The following FMNL2 variants were observed in gnomAD, a reference collection of about 807,000 sequenced individuals.
FMNL2 encodes the protein formin like 2.
FMNL2 carries 51 observed loss-of-function variants against 130.2 expected under a neutral mutation model. The ratio of observed to expected loss-of-function variants is 0.39; its 90% confidence interval spans 0.31 to 0.49. FMNL2 has a LOEUF of 0.49. FMNL2 is among the 20% of genes least tolerant of loss of function. The probability of loss-of-function intolerance (pLI) is 0.85; values close to 1 mark genes in which losing one functional copy is unlikely to be tolerated. For missense variants in FMNL2, 977 were observed against 1,316.2 expected (o/e 0.74, Z 3.99); for synonymous variants, 465 against 467.1 (o/e 1.00, Z 0.06).
chr2:152,355,918 A>G (rs1682754247), intron 1 of FMNL2, among the ~76,000 whole-genome samples: 2 of 152,248 alleles, frequency 1.3e-5, no homozygotes, highest in Non-Finnish European at 2.9e-5. Flanking sequence ...TTACAGACAC[A>G]GTCCAAGCTC....
chr2:152,574,709 A>G (rs572752657), intron 6 of FMNL2, among the ~76,000 whole-genome samples: 8 of 152,324 alleles, frequency 5.3e-5, no homozygotes, highest in African/African-American at 1.9e-4. Context: ...AGCTATTGCT[A>G]TCAACTAAAA....
chr2:152,601,940 G>T (rs1434012665), intron 9 of FMNL2, among the ~76,000 whole-genome samples: 7 of 152,186 alleles, frequency 4.6e-5, no homozygotes, highest in Non-Finnish European at 8.8e-5. Flanking sequence ...AAAGTGCTGG[G>T]AGTACAGGTG....
rs1462006477 is a variant in FMNL2 at position 152,580,652 on chromosome 2, A to G, written c.783-304A>G. The stretch of plus-strand genomic sequence containing the variant: ...TTTAGCGTACCAGTAAACATTTTTC[A>G]TCTGTATTGTACTGAGTCACCTGAT... On this transcript the variant is annotated intron_variant, in intron 8 of 25. Transcript: ENST00000288670. Among the ~76,000 whole-genome samples the G allele has an allele frequency of 4.6e-5, 7 of 152,074 alleles. No homozygotes were observed. The South Asian group carries it at 6.2e-4, about 13-fold the overall frequency.
At chr2:152,642,097 C>G (rs536241357) in intron 25 of FMNL2, among the ~76,000 whole-genome samples, 2 of 152,046 alleles carry the variant, frequency 1.3e-5, no homozygotes, top group African/African-American at 4.8e-5. Flanking sequence ...CCCACCACCA[C>G]GCCTGGATAA....
intron 6 of FMNL2, among the ~76,000 whole-genome samples, chr2:152,563,900 T>A (rs1426404229): frequency 1.3e-5 from 2 of 152,158 alleles, no homozygotes; most frequent in African/African-American, 4.8e-5. Flanking sequence ...GTTTACATAC[T>A]GATGATGAGG....
chr2:152,642,102 G>A (rs912265606), intron 25 of FMNL2, among the ~76,000 whole-genome samples: 5 of 151,920 alleles, frequency 3.3e-5, no homozygotes, highest in African/African-American at 4.8e-5. Flanking sequence ...CACCACGCCT[G>A]GATAATTTTT....
chr2:152,496,961 T>A lies in FMNL2; in HGVS notation c.118-24982T>A, dbSNP rs145500437. Reference sequence around the variant, plus strand: ...GGAATCAGTCATTTTTCTAAGAAGCTCTAGTTCGCCTTATTAGAGAAAGGT... The same window carrying A: ...GGAATCAGTCATTTTTCTAAGAAGCACTAGTTCGCCTTATTAGAGAAAGGT... On this transcript the variant is annotated intron_variant, in intron 1 of 25. Coordinates refer to ENST00000288670, the MANE Select transcript of FMNL2 (RefSeq NM_052905.4). 9.9e-5 allele frequency among the ~76,000 whole-genome samples: 15 copies of A among 152,204 alleles called. No individual in the cohort carries two copies. The East Asian group carries it at 2.9e-3, about 29-fold the overall frequency.
At chr2:152,342,138 G>A (rs936967947) in intron 1 of FMNL2, among the ~76,000 whole-genome samples, 2 of 152,246 alleles carry the variant, frequency 1.3e-5, no homozygotes, top group Non-Finnish European at 1.5e-5. Context: ...TATAAGAACT[G>A]TTGCTTAAAG....
chr2:152,566,610 T>G (rs998587829), intron 6 of FMNL2, among the ~76,000 whole-genome samples: 1 of 152,200 alleles, frequency 6.6e-6, no homozygotes, highest in Admixed American at 6.5e-5. Flanking sequence ...GGACTTAGTT[T>G]GTAAAGGGTG....
chr2:152,434,992 T>C (rs1331642666), intron 1 of FMNL2, among the ~76,000 whole-genome samples: 1 of 152,020 alleles, frequency 6.6e-6, no homozygotes, highest in Non-Finnish European at 1.5e-5. Context: ...AACATCTAGA[T>C]GGCATGGTTT....
At chr2:152,361,140 A>G (rs1683143354) in intron 1 of FMNL2, among the ~76,000 whole-genome samples, 1 of 152,198 alleles carries the variant, frequency 6.6e-6, no homozygotes, top group African/African-American at 2.4e-5. Flanking sequence ...AAAAGCATTT[A>G]TATGGAAAGT....
intron 1 of FMNL2, among the ~76,000 whole-genome samples, chr2:152,473,038 G>C (rs1296003248): frequency 6.6e-6 from 1 of 152,186 alleles, no homozygotes; most frequent in Non-Finnish European, 1.5e-5. Flanking sequence ...ACAGTAAAGT[G>C]TTGTTTTCAA....
intron 25 of FMNL2, among the ~76,000 whole-genome samples, chr2:152,643,180 G>A (rs895518789): frequency 1.3e-5 from 2 of 152,122 alleles, no homozygotes; most frequent in African/African-American, 4.8e-5. Context: ...TGTTTATAGG[G>A]CAGTTTTTAT....
intron 9 of FMNL2, among the ~76,000 whole-genome samples, chr2:152,592,060 G>A (rs578113687): frequency 7.1e-4 from 107 of 151,412 alleles, no homozygotes; most frequent in Non-Finnish European, 1.3e-3. Context: ...CCTAGATCGC[G>A]CCACTGCACT....
At chr2:152,558,664 CTT>C in intron 4 of FMNL2, 74 bp from the exon 5 acceptor site, 1 of 1,377,742 alleles carries the variant, frequency 7.3e-7, no homozygotes, top group Non-Finnish European at 1.0e-6. Flanking sequence ...AAAAACAAAA[CTT>C]TGCATTGTGT....
At chr2:152,642,250 C>T (rs1683158235) in intron 25 of FMNL2, among the ~76,000 whole-genome samples, 2 of 152,116 alleles carry the variant, frequency 1.3e-5, no homozygotes, top group Non-Finnish European at 2.9e-5. Flanking sequence ...TGTCTCATTT[C>T]TTGTTATAGC....
intron 3 of FMNL2, among the ~76,000 whole-genome samples, chr2:152,546,748 G>C (rs1277144684): frequency 6.6e-6 from 1 of 152,106 alleles, no homozygotes; most frequent in Non-Finnish European, 1.5e-5. Context: ...AGCATATCTG[G>C]AAATGGTTGC....
At chr2:152,398,160 T>C (rs1388829056) in intron 1 of FMNL2, among the ~76,000 whole-genome samples, 1 of 152,188 alleles carries the variant, frequency 6.6e-6, no homozygotes, top group African/African-American at 2.4e-5. Flanking sequence ...CTCAGCATGT[T>C]GTCCTCTGGC....
At chr2:152,372,914 G>C (rs57155791) in intron 1 of FMNL2, among the ~76,000 whole-genome samples, 73,943 of 151,942 alleles carry the variant, frequency 0.49, 19,257 homozygotes, top group Non-Finnish European at 0.59. Context: ...CCCAAGAAGA[G>C]GTATCTGGGA....
Sources: gnomAD v4.1 joint callset for allele counts (sites outside exome capture counted in the v4.1 genomes callset) on GRCh38, gnomAD v4.1.1 for gene constraint, MANE v1.5 for transcripts, NCBI Gene and HGNC (gene_info 2026-07-23, HGNC 2026-07-21) for gene names.